PDE4D: variants seen among roughly 807,000 people sequenced by gnomAD.
PDE4D encodes 3',5'-cyclic-AMP phosphodiesterase 4D.
PDE4D carries 24 observed loss-of-function variants against 87.4 expected under a neutral mutation model. The ratio of observed to expected loss-of-function variants is 0.27; its 90% confidence interval spans 0.20 to 0.39. The LOEUF is 0.39. Ranked by LOEUF, PDE4D falls within the 10% of genes least tolerant of loss-of-function variation. The pLI is 1.00. For synonymous variants in PDE4D, 384 were observed against 383.2 expected (o/e 1.00, Z -0.02); for missense variants, 714 against 1,041.0 (o/e 0.69, Z 4.32).
intron 1 of PDE4D, among the ~76,000 whole-genome samples, chr5:60,480,234 G>A (rs796469005): frequency 1.8e-4 from 27 of 152,252 alleles, no homozygotes; most frequent in African/African-American, 6.3e-4. Context: ...ATATCTAGAA[G>A]TTTTGAAACT....
At chr5:60,466,154 G>A (rs1455153007) in intron 1 of PDE4D, among the ~76,000 whole-genome samples, 1 of 152,098 alleles carries the variant, frequency 6.6e-6, no homozygotes, top group African/African-American at 2.4e-5. Context: ...TTGCCAAAAT[G>A]CATCTACTAG....
intron 1 of PDE4D, among the ~76,000 whole-genome samples, chr5:59,598,444 T>TC (rs1827015137): frequency 2.6e-5 from 4 of 152,146 alleles, no homozygotes; most frequent in Non-Finnish European, 1.5e-5. Context: ...TGTTTGAAAT[T>TC]CCCAACTCAT....
At chr5:59,416,444 G>T (rs147082453) in intron 1 of PDE4D, among the ~76,000 whole-genome samples, 1 of 152,080 alleles carries the variant, frequency 6.6e-6, no homozygotes, top group African/African-American at 2.4e-5. Context: ...AATCCAAATG[G>T]TGTGTTTGAG....
chr5:59,267,507 T>C (rs1275186464), intron 1 of PDE4D, among the ~76,000 whole-genome samples: 1 of 152,098 alleles, frequency 6.6e-6, no homozygotes, highest in Non-Finnish European at 1.5e-5. Flanking sequence ...TAATGAAACA[T>C]TTATTTTAAC....
chr5:59,169,572 C>T (rs138362971), intron 5 of PDE4D, among the ~76,000 whole-genome samples: 31 of 152,282 alleles, frequency 2.0e-4, no homozygotes, highest in East Asian at 1.2e-3. Context: ...AATAATATCA[C>T]CTTGTATCTT....
chr5:59,176,793 TCTTAGA>T (rs1783964589), intron 5 of PDE4D, among the ~76,000 whole-genome samples: 1 of 152,146 alleles, frequency 6.6e-6, no homozygotes, highest in Admixed American at 6.5e-5. Flanking sequence ...AAAAGTGAGT[TCTTAGA>T]CTTAGAAATT....
intron 2 of PDE4D, among the ~76,000 whole-genome samples, chr5:60,059,040 A>ATGTGTGTGTGTGTGTGTGTG (rs70975363): frequency 0.017 from 2,487 of 142,332 alleles, 41 homozygotes; most frequent in South Asian, 0.035. Flanking sequence ...GCATTGTCAT[A>ATGTGTGTGTGTGTGTGTGTG]TGTGTGTGTG....
chr5:59,311,800 TC>T (rs1772708443), intron 1 of PDE4D, among the ~76,000 whole-genome samples: 1 of 152,174 alleles, frequency 6.6e-6, no homozygotes, highest in East Asian at 1.9e-4. Flanking sequence ...AAGCCAGAGG[TC>T]CCCTATTTAC....
At chr5:59,167,287 C>G (rs1021151999) in intron 5 of PDE4D, among the ~76,000 whole-genome samples, 1 of 152,094 alleles carries the variant, frequency 6.6e-6, no homozygotes, top group African/African-American at 2.4e-5. Context: ...TATGTCAAAA[C>G]ACAAAAACAA....
chr5:59,940,671 G>A (rs1757081806), intron 3 of PDE4D, among the ~76,000 whole-genome samples: 1 of 152,164 alleles, frequency 6.6e-6, no homozygotes. Context: ...CATATGGATA[G>A]AGATTTCAAA....
rs3061422 is a variant in PDE4D at position 59,148,754 on chromosome 5, GGTGTGTGT to G, written c.808+31833_808+31840del. Among the ~76,000 whole-genome samples the G allele has an allele frequency of 7.3e-3, 1,068 of 145,588 alleles. 8 individuals are homozygous for G. Among genetic ancestry groups the G allele is most frequent in the African/African-American group, 0.024 (955 of 39,234 alleles). ...TGTTTTCCAAAATAAAATATATAGC[GGTGTGTGT>G]GTGTGTGTGTGTGTGTGTGTGTGTG... On this transcript the variant is annotated intron_variant, in intron 5 of 14. Transcript: ENST00000340635.
intron 5 of PDE4D, among the ~76,000 whole-genome samples, chr5:59,060,837 C>G (rs1000286640): frequency 2.6e-5 from 4 of 152,058 alleles, no homozygotes; most frequent in African/African-American, 7.2e-5. Flanking sequence ...CAAGAATCAC[C>G]CTGGAGCTTC....
At chr5:59,222,152 C>T (rs750899272) in intron 1 of PDE4D, among the ~76,000 whole-genome samples, 13 of 152,188 alleles carry the variant, frequency 8.5e-5, no homozygotes, top group Non-Finnish European at 1.3e-4. Flanking sequence ...CAGTTCTCCA[C>T]ACTGTTCCAT....
chr5:59,530,489 A>T (rs1406601275), intron 1 of PDE4D, among the ~76,000 whole-genome samples: 1 of 152,168 alleles, frequency 6.6e-6, no homozygotes, highest in Non-Finnish European at 1.5e-5. Context: ...ACTTTAAAGC[A>T]TCTCCAGATT....
At chr5:60,254,316 C>T (rs1265839889) in intron 1 of PDE4D, among the ~76,000 whole-genome samples, 1 of 151,928 alleles carries the variant, frequency 6.6e-6, no homozygotes, top group East Asian at 1.9e-4. Context: ...CATGCTTATG[C>T]CAGCAACCCT....
chr5:59,388,341 A>G (rs1243379893), intron 1 of PDE4D, among the ~76,000 whole-genome samples: 1 of 152,206 alleles, frequency 6.6e-6, no homozygotes, highest in South Asian at 2.1e-4. Context: ...AAAAAAGATG[A>G]AAGATGGCAA....
chr5:59,240,127 C>A (rs1757347182), intron 1 of PDE4D, among the ~76,000 whole-genome samples: 1 of 152,060 alleles, frequency 6.6e-6, no homozygotes, highest in Non-Finnish European at 1.5e-5. Context: ...ATGACACAAC[C>A]TTCTCAGTTC....
Position 60,205,898 on chromosome 5 carries a change from C to CA in PDE4D, c.-89-20212dup, listed in dbSNP as rs950247851. Among the ~76,000 whole-genome samples, 76 of 151,644 alleles carry CA rather than the reference C, an allele frequency of 5.0e-4. 1 individual carries two copies. Among genetic ancestry groups the CA allele is most frequent in the African/African-American group, 1.7e-3 (69 of 41,256 alleles). ...TGAGACCCTATCTCAAGGAATAAAA[C>CA]AAAAAAAGAAAAGGCAATAAATATG... On this transcript the variant is annotated intron_variant, in intron 1 of 16. Coordinates refer to the PDE4D transcript ENST00000502484.
At chr5:59,055,501 A>G (rs10514870) in intron 5 of PDE4D, among the ~76,000 whole-genome samples, 9,507 of 152,098 alleles carry the variant, frequency 0.063, 465 homozygotes, top group Admixed American at 0.13. Context: ...TTTTGTCAGC[A>G]AGTTTCCTCA....
Sources: allele counts gnomAD v4.1 joint callset (sites outside exome capture counted in the v4.1 genomes callset), GRCh38; gene constraint gnomAD v4.1.1; transcripts MANE v1.5; gene names NCBI Gene and HGNC (gene_info 2026-07-23, HGNC 2026-07-21).